Variants in WDR35 observed in about 807,000 individuals in gnomAD.
WDR35 encodes the protein WD repeat-containing protein 35.
WDR35 carries 118 observed loss-of-function variants against 158.3 expected under a neutral mutation model. The ratio of observed to expected loss-of-function variants is 0.75; its 90% CI spans 0.64 to 0.87. WDR35 has a LOEUF of 0.87. WDR35 is among the 40% of genes least tolerant of loss of function. The probability of loss-of-function intolerance (pLI) is 0.00; values close to 1 mark genes in which losing one functional copy is unlikely to be tolerated. For missense variants in WDR35, 1,263 were observed against 1,405.8 expected (o/e 0.90, Z 1.62); for synonymous variants, 448 against 476.1 (o/e 0.94, Z 0.77).
intron 10 of WDR35, 106 bp from the exon 11 acceptor site, chr2:19,960,720 G>T: frequency 2.4e-6 from 2 of 842,706 alleles, no homozygotes; most frequent in South Asian, 3.2e-5. Flanking sequence ...ATTGCTAACT[G>T]GGAAATAACT....
In WDR35 at chr2:19,973,577, T is replaced by G; in HGVS notation, c.868A>C (p.Thr290Pro). ...DKDVNIVQFY[T>P]PFGEHLGTLK... ...AATGCATTTACCTCACCAAACGGAG[T>G]GTAAAACTGCACAATGTTCACATCT... The change falls in exon 8 of 27, where the codon ACT becomes CCT. Residue 290 changes from threonine (T) to proline (P), a missense_variant. Thr to Pro is a conservative substitution (Grantham distance 38, BLOSUM62 -1). Coordinates refer to ENST00000281405, the MANE Select transcript of WDR35 (RefSeq NM_020779.4). The G allele has an allele frequency of 1.9e-6, 3 of 1,613,952 alleles. No individual in the cohort carries two copies. Among genetic ancestry groups the G allele is most frequent in the African/African-American group, 2.7e-5 (2 of 74,968 alleles).
chr2:19,961,659 A>G (rs1156639983), intron 10 of WDR35, among the ~76,000 whole-genome samples: 1 of 152,214 alleles, frequency 6.6e-6, no homozygotes, highest in African/African-American at 2.4e-5. Flanking sequence ...AGTCAAAGCA[A>G]AAGCAGACCG....
chr2:19,916,171 G>A lies in WDR35; in HGVS notation c.3122-1894C>T, dbSNP rs1303498813. On this transcript the variant is annotated intron_variant, in intron 25 of 26. Transcript: ENST00000281405. The stretch of plus-strand genomic sequence containing the variant: ...ATGGGGAAATCCCTCTCCTAGCCAA[G>A]GGAAGCCATTAGGGACTGTACCGTG... Among the ~76,000 whole-genome samples the A allele has an allele frequency of 3.3e-5, 5 of 152,196 alleles. No individual in the cohort carries two copies. The South Asian group carries it at 1.0e-3, about 31-fold the overall frequency.
intron 2 of WDR35, among the ~76,000 whole-genome samples, chr2:19,985,899 G>C (rs1371061472): frequency 2.8e-5 from 2 of 71,166 alleles, no homozygotes; most frequent in African/African-American, 5.2e-5. Flanking sequence ...CCCATCTCGG[G>C]AAAAAAAAAA....
intron 22 of WDR35, among the ~76,000 whole-genome samples, chr2:19,932,909 T>C (rs1357876358): frequency 6.6e-6 from 1 of 152,218 alleles, no homozygotes; most frequent in Non-Finnish European, 1.5e-5. Context: ...GTTTCTATAA[T>C]AACGCTGTAC....
In WDR35 at chr2:19,966,835, C is replaced by T. The variant is rs1671869906; in HGVS notation, c.1083G>A (p.Trp361Ter). ...PDRPEYCVVF[W>*]DTKNNEKYVK... ...CATATTTTTCATTGTTTTTCGTATCCCAGAAGACAACACAATATTCTGGAC... is the reference window on the plus strand; with the variant it reads ...CATATTTTTCATTGTTTTTCGTATCTCAGAAGACAACACAATATTCTGGAC... Residue 361 changes from tryptophan to a stop codon, truncating the protein, a stop_gained, in exon 10 of 27, where the codon TGG becomes TGA. Coordinates refer to ENST00000281405, the MANE Select transcript of WDR35 (RefSeq NM_020779.4). LOFTEE classifies it high-confidence loss of function. 6.2e-7 allele frequency: 1 copy of T among 1,613,516 alleles called. No homozygotes were observed. Among genetic ancestry groups the T allele is most frequent in the African/African-American group, 1.3e-5 (1 of 74,794 alleles).
Position 19,945,890 on chromosome 2 carries a change from C to T in WDR35, c.1741G>A (p.Glu581Lys). The T allele has an allele frequency of 6.2e-7, 1 of 1,613,992 alleles. No individual in the cohort carries two copies. The highest frequency in any genetic ancestry group is 8.5e-7 in the Non-Finnish European group (1 of 1,179,894). ...QQVVGELLKL[E>K]RRDVWDMKWA... Reference sequence around the variant, plus strand: ...TTCATATCCCAGACATCTCTTCGTTCCAATTTTAACAACTCTCCAACTACT... The same window carrying T: ...TTCATATCCCAGACATCTCTTCGTTTCAATTTTAACAACTCTCCAACTACT... The change falls in exon 16 of 27, where the codon GAA becomes AAA. Residue 581 changes from glutamate to lysine, a missense_variant. Coordinates refer to ENST00000281405, the MANE Select transcript of WDR35 (RefSeq NM_020779.4).
intron 2 of WDR35, among the ~76,000 whole-genome samples, chr2:19,985,167 G>A (rs921844334): frequency 7.2e-5 from 11 of 152,190 alleles, no homozygotes; most frequent in Non-Finnish European, 1.2e-4. Flanking sequence ...TTTCTCTGAT[G>A]CAAATGTTGG....
At chr2:19,979,311 C>T (rs1672311638) in intron 4 of WDR35, among the ~76,000 whole-genome samples, 1 of 151,978 alleles carries the variant, frequency 6.6e-6, no homozygotes, top group East Asian at 1.9e-4. Flanking sequence ...TGCACATAAA[C>T]TCTCCAATGA....
chr2:19,920,494 A>G (rs1670136483), intron 25 of WDR35, among the ~76,000 whole-genome samples: 1 of 152,224 alleles, frequency 6.6e-6, no homozygotes, highest in Non-Finnish European at 1.5e-5. Context: ...TGATTATCTC[A>G]ATAGATGCAG....
intron 5 of WDR35, 58 bp downstream of exon 5, chr2:19,978,693 A>C (rs1421395074): frequency 1.9e-6 from 3 of 1,611,200 alleles, no homozygotes; most frequent in East Asian, 2.2e-5. Flanking sequence ...TAAATCTCTA[A>C]AGAAGAAAAC....
rs1572330154 is a variant in WDR35, at chr2:19,937,952, T to C, written c.2064-6A>G. 1 of 1,613,918 alleles carries C rather than the reference T, an allele frequency of 6.2e-7. No homozygotes were observed. The highest frequency in any genetic ancestry group is 1.7e-5 in the Admixed American group (1 of 59,940). ...CTGCTTCAGCCAGTAGGCGCCTTTA[T>C]TTTAAAAGAAACAAAAACATAAGTG... On this transcript the variant is annotated splice_region_variant and splice_polypyrimidine_tract_variant and intron_variant, in intron 18 of 26. Coordinates refer to ENST00000281405, the MANE Select transcript of WDR35 (RefSeq NM_020779.4).
At chr2:19,940,904 T>C (rs1414939342) in intron 17 of WDR35, among the ~76,000 whole-genome samples, 1 of 152,178 alleles carries the variant, frequency 6.6e-6, no homozygotes, top group East Asian at 1.9e-4. Context: ...GGTGTCCCTA[T>C]GGTATCATCA....
At chr2:19,940,189 C>CAAAAAAAA (rs1197342596) in intron 17 of WDR35, among the ~76,000 whole-genome samples, 1 of 80,248 alleles carries the variant, frequency 1.2e-5, no homozygotes, top group Non-Finnish European at 2.7e-5. Context: ...CCCATCTCTA[C>CAAAAAAAA]AAAAAAAAAA....
rs1371121163 is a variant in WDR35, at chr2:19,978,628, AG to A, written c.436+122del. The A allele has an allele frequency of 3.3e-5, 46 of 1,405,228 alleles. No homozygotes were observed. In the African/African-American group the frequency reaches 5.0e-4, roughly 15 times the overall value. The allele number at this position is 1,405,228 out of a possible 1,614,324, so 87.0% of individuals were successfully genotyped here. A position where few individuals can be genotyped will look rare whatever the true frequency, so the allele number is the denominator to read the frequency against. On this transcript the variant is annotated intron_variant, in intron 5 of 26. Coordinates refer to ENST00000281405, the MANE Select transcript of WDR35 (RefSeq NM_020779.4). ...AATGTCGTCAAATTGTATATCAAAT[AG>A]TTTCCCTTTTATGTCTATTTTTCAA...
At chr2:19,935,687 T>C in intron 20 of WDR35, 84 bp from the exon 21 acceptor site, 1 of 1,497,766 alleles carries the variant, frequency 6.7e-7, no homozygotes, top group Non-Finnish European at 9.1e-7. Flanking sequence ...TGTTCCTTCA[T>C]CATAATTCCC....
chr2:19,936,451 T>C, intron 19 of WDR35, 86 bp from the exon 20 acceptor site: 1 of 1,589,070 alleles, frequency 6.3e-7, no homozygotes, highest in Non-Finnish European at 8.6e-7. Flanking sequence ...CAGTTCTAGG[T>C]GCTGAGGCTA....
chr2:19,962,191 C>T, intron 10 of WDR35: 2 of 1,206,906 alleles, frequency 1.7e-6, no homozygotes, highest in Non-Finnish European at 2.4e-6. Flanking sequence ...TTTCCATGAA[C>T]CTTCTGAAGT....
At chr2:19,913,833 A>T in intron 26 of WDR35, 125 bp from the exon 27 acceptor site, 1 of 1,450,898 alleles carries the variant, frequency 6.9e-7, no homozygotes, top group East Asian at 2.4e-5. Flanking sequence ...ACTTTCATTT[A>T]AAAAAGTTAT....
Sources: allele counts gnomAD v4.1 joint callset (sites outside exome capture counted in the v4.1 genomes callset), GRCh38; gene constraint gnomAD v4.1.1; transcripts MANE v1.5; gene names NCBI Gene and HGNC (gene_info 2026-07-23, HGNC 2026-07-21).